The following IQCM variants were observed in gnomAD, a reference collection of about 807,000 sequenced individuals.
The protein encoded by IQCM is IQ motif containing M.
IQCM carries 45 observed loss-of-function variants against 57.6 expected under a neutral mutation model. The ratio of observed to expected loss-of-function variants is 0.78; its 90% CI spans 0.62 to 1.00. IQCM has a LOEUF of 1.00. IQCM is among the 50% of genes least tolerant of loss of function. The probability of loss-of-function intolerance (pLI) is 0.00; values close to 1 mark genes in which losing one functional copy is unlikely to be tolerated. For missense variants in IQCM, 468 were observed against 511.6 expected, an observed-to-expected ratio of 0.91 and a Z score of 0.82; for synonymous variants, 148 against 158.9, an observed-to-expected ratio of 0.93 and a Z score of 0.51.
At chr4:149,521,806 G>T (rs1424489544) in intron 12 of IQCM, among the ~76,000 whole-genome samples, 1 of 152,158 alleles carries the variant, frequency 6.6e-6, no homozygotes, top group African/African-American at 2.4e-5. Context: ...CTCTCCCACT[G>T]CCATCCAACT....
At chr4:149,800,474 A>C (rs1365733739) in intron 2 of IQCM, among the ~76,000 whole-genome samples, 2 of 152,016 alleles carry the variant, frequency 1.3e-5, no homozygotes, top group Admixed American at 1.3e-4. Context: ...TATTCAGCTT[A>C]GTACTGGAAG....
chr4:149,758,145 G>T (rs1347140552), intron 2 of IQCM, among the ~76,000 whole-genome samples: 1 of 152,066 alleles, frequency 6.6e-6, no homozygotes, highest in Admixed American at 6.6e-5. Context: ...CTTTGACAAA[G>T]GAGCTTTTGT....
chr4:149,483,948 C>A (rs928352123), intron 12 of IQCM, among the ~76,000 whole-genome samples: 1 of 151,902 alleles, frequency 6.6e-6, no homozygotes, highest in African/African-American at 2.4e-5. Flanking sequence ...TATCTGGGTG[C>A]TCCAGTTTGG....
At chr4:149,421,354 C>T (rs1001099702) in intron 13 of IQCM, among the ~76,000 whole-genome samples, 4 of 151,722 alleles carry the variant, frequency 2.6e-5, no homozygotes, top group African/African-American at 4.8e-5. Context: ...GGCCACACCA[C>T]CAAAAATATG....
intron 8 of IQCM, among the ~76,000 whole-genome samples, chr4:149,616,759 G>A (rs1358529534): frequency 2.6e-5 from 4 of 151,916 alleles, no homozygotes; most frequent in Admixed American, 2.0e-4. Flanking sequence ...AGGGGAGGGA[G>A]AGCATAAGGA....
chr4:149,463,797 T>G (rs1052007316), intron 12 of IQCM, among the ~76,000 whole-genome samples: 1 of 152,122 alleles, frequency 6.6e-6, no homozygotes, highest in Non-Finnish European at 1.5e-5. Context: ...TAGCTGAGAA[T>G]CAAAATTAAA....
At chr4:149,618,545 A>C (rs1756000658) in intron 8 of IQCM, among the ~76,000 whole-genome samples, 1 of 152,146 alleles carries the variant, frequency 6.6e-6, no homozygotes, top group South Asian at 2.1e-4. Context: ...GATAATAATT[A>C]AAAGAATAAA....
At chr4:149,695,816 A>C (rs570308859) in intron 5 of IQCM, among the ~76,000 whole-genome samples, 1 of 152,220 alleles carries the variant, frequency 6.6e-6, no homozygotes, top group East Asian at 1.9e-4. Flanking sequence ...GCTATTAATA[A>C]GTTTCCAGTG....
At chr4:149,358,961 G>C (rs1729274150) in intron 13 of IQCM, among the ~76,000 whole-genome samples, 1 of 122,388 alleles carries the variant, frequency 8.2e-6, no homozygotes. Flanking sequence ...TAGGGAGGGT[G>C]CAGGAAAGGA....
intron 2 of IQCM, among the ~76,000 whole-genome samples, chr4:149,804,154 A>C: frequency 6.6e-6 from 1 of 152,090 alleles, no homozygotes. Context: ...GTTTTCCTTG[A>C]GGGCAGGTCA....
rs1413923036 is a variant in IQCM at position 149,613,643 on chromosome 4, T to G, written c.681+7486A>C. Among the ~76,000 whole-genome samples the G allele has an allele frequency of 3.9e-5, 6 of 152,200 alleles. No homozygotes were observed. The East Asian group carries it at 1.2e-3, about 29-fold the overall frequency. ...TGCAGGTTAGTTACATATGTATACA[T>G]GTGCCATGTTGGTGTGCTGCACCCA... On this transcript the variant is annotated intron_variant, in intron 8 of 13. Transcript: ENST00000636793.
At chr4:149,415,196 A>G (rs1733658164) in intron 13 of IQCM, among the ~76,000 whole-genome samples, 1 of 152,172 alleles carries the variant, frequency 6.6e-6, no homozygotes, top group Admixed American at 6.6e-5. Context: ...GAACATTTGA[A>G]GTTTTCAGGT....
At chr4:149,534,355 C>T (rs1176928759) in intron 12 of IQCM, among the ~76,000 whole-genome samples, 1 of 152,120 alleles carries the variant, frequency 6.6e-6, no homozygotes, top group African/African-American at 2.4e-5. Flanking sequence ...GTTCTGATAT[C>T]TGCCTTTATT....
chr4:149,719,742 C>T (rs975779568), intron 5 of IQCM, among the ~76,000 whole-genome samples: 1 of 152,212 alleles, frequency 6.6e-6, no homozygotes, highest in Non-Finnish European at 1.5e-5. Context: ...CCCCATCACT[C>T]AACCCATCAC....
intron 7 of IQCM, among the ~76,000 whole-genome samples, chr4:149,663,387 G>C (rs936654387): frequency 3.3e-5 from 5 of 151,732 alleles, no homozygotes; most frequent in Non-Finnish European, 7.4e-5. Context: ...CTCTCCTGGA[G>C]GTTTTATGCT....
Position 149,363,920 on chromosome 4 carries a change from C to G in IQCM, c.1391-11854G>C, listed in dbSNP as rs139846365. ...AAGGTTTTAAAACATAAAGCATAAA[C>G]AACACTTTCAAAAGTAATGCTTCTA... On this transcript the variant is annotated intron_variant, in intron 13 of 13. Transcript: ENST00000636793. Among the ~76,000 whole-genome samples, 107 of 152,144 alleles carry G rather than the reference C, an allele frequency of 7.0e-4. No homozygotes were observed. The Middle Eastern group carries it at 0.014, about 19-fold the overall frequency.
At chr4:149,591,762 T>A (rs1217090802) in intron 8 of IQCM, among the ~76,000 whole-genome samples, 1 of 152,150 alleles carries the variant, frequency 6.6e-6, no homozygotes, top group Non-Finnish European at 1.5e-5. Context: ...TTCATCCATG[T>A]CCCTATAAAG....
At chr4:149,799,405 T>A (rs1301938434) in intron 2 of IQCM, among the ~76,000 whole-genome samples, 2 of 151,386 alleles carry the variant, frequency 1.3e-5, no homozygotes, top group Non-Finnish European at 3.0e-5. Flanking sequence ...AAACTTCAGA[T>A]AATCTAATGA....
intron 7 of IQCM, chr4:149,665,954 C>T (rs1248062963): frequency 6.6e-6 from 1 of 152,118 alleles, no homozygotes; most frequent in Admixed American, 6.5e-5. Flanking sequence ...CTGGGACCTA[C>T]ATCAGTGATT....
Sources: gnomAD v4.1 joint callset for allele counts (sites outside exome capture counted in the v4.1 genomes callset) on GRCh38, gnomAD v4.1.1 for gene constraint, MANE v1.5 for transcripts, NCBI Gene and HGNC (gene_info 2026-07-23, HGNC 2026-07-21) for gene names.